The following CSMD1 variants were observed in gnomAD, a reference collection of about 807,000 sequenced individuals.
The protein encoded by CSMD1 is CUB and sushi domain-containing protein 1.
In CSMD1, 213 loss-of-function variants were observed where a neutral mutation model predicts 417.5. The observed-to-expected ratio is 0.51, with a 90% CI of 0.46 to 0.57. CSMD1 has a LOEUF of 0.57. Among genes scored for constraint, CSMD1 ranks in the 20% least tolerant of loss-of-function variants. The pLI is 0.00. For missense variants in CSMD1, 6,923 were observed against 4,529.7 expected, an observed-to-expected ratio of 1.53 and a Z score of -15.17; for synonymous variants, 2,862 against 1,736.8, an observed-to-expected ratio of 1.65 and a Z score of -16.11.
chr8:3,754,747 GC>G (rs1261368170), intron 5 of CSMD1, among the ~76,000 whole-genome samples: 1 of 152,132 alleles, frequency 6.6e-6, no homozygotes, highest in Non-Finnish European at 1.5e-5. Context: ...GAGCCACGGC[GC>G]CCGGCCACAA....
chr8:4,883,287 G>C (rs1373847530), intron 1 of CSMD1, among the ~76,000 whole-genome samples: 1 of 152,010 alleles, frequency 6.6e-6, no homozygotes, highest in South Asian at 2.1e-4. Context: ...AAGATAAATA[G>C]AGTTACAGAT....
At chr8:4,377,391 A>C (rs1349140387) in intron 3 of CSMD1, among the ~76,000 whole-genome samples, 1 of 152,170 alleles carries the variant, frequency 6.6e-6, no homozygotes, top group Non-Finnish European at 1.5e-5. Flanking sequence ...TAGTCGTTAT[A>C]TCTAAACTAC....
chr8:4,243,441 G>C (rs900334609), intron 3 of CSMD1, among the ~76,000 whole-genome samples: 3 of 152,094 alleles, frequency 2.0e-5, no homozygotes, highest in Admixed American at 1.3e-4. Flanking sequence ...CCCTGTAACT[G>C]ACACTCTTCC....
intron 7 of CSMD1, among the ~76,000 whole-genome samples, chr8:3,661,419 G>T (rs1798409902): frequency 1.3e-5 from 2 of 152,134 alleles, no homozygotes; most frequent in Admixed American, 6.5e-5. Flanking sequence ...CCACCACGTG[G>T]CTGTGCTGAG....
chr8:4,821,625 G>C (rs983959162), intron 1 of CSMD1, among the ~76,000 whole-genome samples: 1 of 152,038 alleles, frequency 6.6e-6, no homozygotes, highest in African/African-American at 2.4e-5. Flanking sequence ...CAGAAAAATA[G>C]GGAAGTTTAC....
intron 5 of CSMD1, among the ~76,000 whole-genome samples, chr8:3,929,145 C>T (rs972537868): frequency 6.7e-6 from 1 of 150,144 alleles, no homozygotes. Flanking sequence ...CTTTCTACTG[C>T]CCCCTCTGGA....
intron 5 of CSMD1, among the ~76,000 whole-genome samples, chr8:3,955,574 G>C (rs73176300): frequency 0.13 from 19,207 of 151,828 alleles, 1,437 homozygotes; most frequent in African/African-American, 0.19. Context: ...ATATTCCATA[G>C]GAGATTGGTG....
chr8:3,932,631 T>C (rs1392253028), intron 5 of CSMD1, among the ~76,000 whole-genome samples: 3 of 150,558 alleles, frequency 2.0e-5, no homozygotes, highest in Admixed American at 6.6e-5. Context: ...ACATTTATAT[T>C]GACATTTTGC....
intron 2 of CSMD1, among the ~76,000 whole-genome samples, chr8:4,431,261 A>C (rs1269469982): frequency 1.3e-5 from 2 of 152,190 alleles, no homozygotes; most frequent in African/African-American, 4.8e-5. Context: ...AAAGATGTTA[A>C]ATAATAATAT....
At chr8:4,883,287 G>A (rs1373847530) in intron 1 of CSMD1, among the ~76,000 whole-genome samples, 5 of 152,010 alleles carry the variant, frequency 3.3e-5, no homozygotes, top group East Asian at 1.9e-4. Context: ...AAGATAAATA[G>A]AGTTACAGAT....
At chr8:3,474,273 T>TCAAGTATATGATAATCATA (rs1817282792) in intron 11 of CSMD1, among the ~76,000 whole-genome samples, 1 of 151,984 alleles carries the variant, frequency 6.6e-6, no homozygotes, top group Non-Finnish European at 1.5e-5. Flanking sequence ...TAAAAATGTT[T>TCAAGTATATGATAATCATA]CAAGTATATG....
chr8:4,323,401 C>G (rs142712271), intron 3 of CSMD1, among the ~76,000 whole-genome samples: 3 of 152,158 alleles, frequency 2.0e-5, no homozygotes, highest in African/African-American at 7.2e-5. Context: ...AATTTCACAG[C>G]CTTGTTCCAT....
intron 6 of CSMD1, among the ~76,000 whole-genome samples, chr8:3,718,578 A>C (rs1006387221): frequency 2.0e-5 from 3 of 152,190 alleles, no homozygotes; most frequent in African/African-American, 7.2e-5. Context: ...AGCAGCACTA[A>C]ATTAAAAGAT....
chr8:4,594,853 T>C (rs957325162), intron 2 of CSMD1, among the ~76,000 whole-genome samples: 1 of 152,186 alleles, frequency 6.6e-6, no homozygotes, highest in African/African-American at 2.4e-5. Context: ...AATTCCTTAG[T>C]AAATCTTCAT....
intron 1 of CSMD1, among the ~76,000 whole-genome samples, chr8:4,702,031 T>G (rs765208838): frequency 1.2e-4 from 18 of 152,174 alleles, no homozygotes; most frequent in Non-Finnish European, 2.2e-4. Flanking sequence ...CACCGCATCT[T>G]CTCACTTATA....
At chr8:4,596,600 C>A (rs1800291105) in intron 2 of CSMD1, among the ~76,000 whole-genome samples, 1 of 152,126 alleles carries the variant, frequency 6.6e-6, no homozygotes, top group South Asian at 2.1e-4. Flanking sequence ...ATATATTCTT[C>A]CTAAATCAAT....
At chr8:3,146,510 T>C (rs777000306) in intron 40 of CSMD1, among the ~76,000 whole-genome samples, 1 of 152,152 alleles carries the variant, frequency 6.6e-6, no homozygotes. Flanking sequence ...GAAACAAGTT[T>C]CAAAAACATT....
At chr8:4,750,038 G>A (rs113030746) in intron 1 of CSMD1, among the ~76,000 whole-genome samples, 127 of 151,536 alleles carry the variant, frequency 8.4e-4, no homozygotes, top group African/African-American at 2.7e-3. Flanking sequence ...ATGGAGTCTC[G>A]CTCTGTCGCC....
At chr8:3,095,757 T>A (rs554703000) in intron 47 of CSMD1, among the ~76,000 whole-genome samples, 2 of 152,352 alleles carry the variant, frequency 1.3e-5, no homozygotes, top group South Asian at 4.1e-4. Context: ...GTAACTGGTC[T>A]AATTTTCTGG....
Sources: gnomAD v4.1 joint callset for allele counts (sites outside exome capture counted in the v4.1 genomes callset) on GRCh38, gnomAD v4.1.1 for gene constraint, MANE v1.5 for transcripts, NCBI Gene and HGNC (gene_info 2026-07-23, HGNC 2026-07-21) for gene names.